Variants in CEP112 observed in about 807,000 individuals in gnomAD.
CEP112 encodes the protein centrosomal protein of 112 kDa.
Under a neutral mutation model 153.0 loss-of-function variants are expected in CEP112, and 127 were observed. The observed-to-expected ratio is 0.83, with a 90% CI of 0.72 to 0.96. The LOEUF (loss-of-function observed/expected upper bound fraction) is 0.96. CEP112 is among the 40% of genes least tolerant of loss of function. The pLI, the probability that CEP112 is intolerant of heterozygous loss-of-function variation, is 0.00. For missense variants in CEP112, 1,089 were observed against 1,101.2 expected, an observed-to-expected ratio of 0.99 and a Z score of 0.16; for synonymous variants, 358 against 374.4, an observed-to-expected ratio of 0.96 and a Z score of 0.51.
At chr17:65,900,729 A>C (rs1016014185) in intron 20 of CEP112, among the ~76,000 whole-genome samples, 2 of 152,204 alleles carry the variant, frequency 1.3e-5, no homozygotes, top group African/African-American at 2.4e-5. Context: ...AGAGAATATG[A>C]ACTAGACAAT....
At chr17:65,802,833 C>CA (rs1289888991) in intron 21 of CEP112, among the ~76,000 whole-genome samples, 1 of 152,172 alleles carries the variant, frequency 6.6e-6, no homozygotes, top group African/African-American at 2.4e-5. Flanking sequence ...ATGGCCGCAT[C>CA]AATATATTCC....
At chr17:65,748,222 A>C (rs924052077) in intron 22 of CEP112, among the ~76,000 whole-genome samples, 2 of 152,244 alleles carry the variant, frequency 1.3e-5, no homozygotes, top group Admixed American at 6.5e-5. Flanking sequence ...TAAGGTTATC[A>C]TCCTAACTTT....
At chr17:65,922,600 A>G (rs969661055) in intron 19 of CEP112, among the ~76,000 whole-genome samples, 11 of 152,166 alleles carry the variant, frequency 7.2e-5, no homozygotes, top group Non-Finnish European at 1.5e-4. Context: ...AAATGAGAAT[A>G]TAATTTTAAA....
rs1471207663 is a variant in CEP112 at position 66,159,952 on chromosome 17, G to A, written c.470+15092C>T. On this transcript the variant is annotated intron_variant, in intron 4 of 26. Transcript: ENST00000535342. ...TATATTTAGAAAACCCCATTGTCTC[G>A]GCGCAAAAACTACTTAAGGTGATAA... Among the ~76,000 whole-genome samples, 13 of 151,980 alleles carry A rather than the reference G, an allele frequency of 8.6e-5. 1 individual carries two copies. The highest frequency in any genetic ancestry group is 2.4e-4 in the African/African-American group (10 of 41,356).
intron 23 of CEP112, among the ~76,000 whole-genome samples, chr17:65,711,929 C>T (rs1184402019): frequency 6.6e-6 from 1 of 152,204 alleles, no homozygotes; most frequent in East Asian, 1.9e-4. Context: ...GTAGCATGTA[C>T]TCACTGCATG....
chr17:66,026,799 C>T (rs969352006), intron 16 of CEP112, among the ~76,000 whole-genome samples: 1 of 152,172 alleles, frequency 6.6e-6, no homozygotes, highest in South Asian at 2.1e-4. Context: ...ACTTCATTCA[C>T]ATGGATTCAA....
At chr17:65,636,645 T>C (rs1032073573) in intron 26 of CEP112, 1 of 154,896 alleles carries the variant, frequency 6.5e-6, no homozygotes, top group African/African-American at 2.4e-5. Context: ...AGAGTCTTAC[T>C]CTGCTGCCCA....
chr17:65,819,272 AC>A (rs1163293904), intron 21 of CEP112, among the ~76,000 whole-genome samples: 2 of 151,840 alleles, frequency 1.3e-5, no homozygotes, highest in East Asian at 3.9e-4. Flanking sequence ...GTGATTCCTT[AC>A]TTTAAAAGAA....
intron 16 of CEP112, among the ~76,000 whole-genome samples, chr17:66,007,777 T>C (rs1568370468): frequency 6.6e-6 from 1 of 152,332 alleles, no homozygotes; most frequent in Middle Eastern, 3.4e-3. Flanking sequence ...GAGAAACTAA[T>C]ATGTGAGATG....
intron 4 of CEP112, among the ~76,000 whole-genome samples, chr17:66,147,862 A>G (rs2070989768): frequency 6.6e-6 from 1 of 152,188 alleles, no homozygotes. Flanking sequence ...CCATTGGTCT[A>G]TATATTTGTC....
intron 20 of CEP112, among the ~76,000 whole-genome samples, chr17:65,890,540 T>C (rs1251352048): frequency 6.6e-6 from 1 of 152,184 alleles, no homozygotes; most frequent in Non-Finnish European, 1.5e-5. Context: ...TATGACTTTG[T>C]TGTACTTTGC....
In CEP112 at chr17:65,820,458, C is replaced by T. The variant is rs553187716; in HGVS notation, c.2394+31346G>A. On this transcript the variant is annotated intron_variant, in intron 21 of 26. Coordinates refer to ENST00000535342, the MANE Select transcript of CEP112 (RefSeq NM_001199165.4). ...AGTTACATGTCTTTTCATGATTTTCCCCAGCACTGACCTAAATATACAGTA... is the reference window on the plus strand; with the variant it reads ...AGTTACATGTCTTTTCATGATTTTCTCCAGCACTGACCTAAATATACAGTA... Among the ~76,000 whole-genome samples the T allele has an allele frequency of 3.3e-5, 5 of 151,592 alleles. No homozygotes were observed. The South Asian group carries it at 8.3e-4, about 25-fold the overall frequency.
chr17:66,114,830 A>T (rs1364378314), intron 6 of CEP112, among the ~76,000 whole-genome samples: 1 of 152,166 alleles, frequency 6.6e-6, no homozygotes, highest in Non-Finnish European at 1.5e-5. Flanking sequence ...TAACTGTATT[A>T]GTCATCAGGA....
chr17:65,885,026 T>A (rs565855594), intron 20 of CEP112, among the ~76,000 whole-genome samples: 2 of 152,270 alleles, frequency 1.3e-5, no homozygotes, highest in South Asian at 2.1e-4. Context: ...TAGTTTGTAG[T>A]TTCAAATAAA....
intron 23 of CEP112, among the ~76,000 whole-genome samples, chr17:65,720,630 G>C (rs1352148663): frequency 1.3e-5 from 2 of 152,126 alleles, no homozygotes; most frequent in Non-Finnish European, 2.9e-5. Context: ...GAAATGAGCA[G>C]GGATGGAGTA....
At chr17:65,888,376 G>A (rs2059355711) in intron 20 of CEP112, among the ~76,000 whole-genome samples, 1 of 152,062 alleles carries the variant, frequency 6.6e-6, no homozygotes, top group Admixed American at 6.6e-5. Flanking sequence ...TCCTTGCAGG[G>A]GAGGCCTTTG....
At chr17:65,764,963 C>T (rs574804344) in intron 21 of CEP112, among the ~76,000 whole-genome samples, 191 of 130,928 alleles carry the variant, frequency 1.5e-3, no homozygotes, top group Middle Eastern at 3.5e-3. Flanking sequence ...ACAAGGCTTA[C>T]GTAAAATGTC....
intron 21 of CEP112, among the ~76,000 whole-genome samples, chr17:65,802,837 A>G (rs2055362076): frequency 6.6e-6 from 1 of 152,200 alleles, no homozygotes; most frequent in Non-Finnish European, 1.5e-5. Context: ...CCGCATCAAT[A>G]TATTCCTCTT....
At chr17:65,837,853 G>A (rs1280702631) in intron 21 of CEP112, among the ~76,000 whole-genome samples, 1 of 152,170 alleles carries the variant, frequency 6.6e-6, no homozygotes, top group Non-Finnish European at 1.5e-5. Flanking sequence ...TAAGGGTGGT[G>A]CAAGATGTGC....
Sources: gnomAD v4.1 joint callset for allele counts (sites outside exome capture counted in the v4.1 genomes callset) on GRCh38, gnomAD v4.1.1 for gene constraint, MANE v1.5 for transcripts, NCBI Gene and HGNC (gene_info 2026-07-23, HGNC 2026-07-21) for gene names.